The following FLT1 variants were observed in gnomAD, a reference collection of about 807,000 sequenced individuals.
The protein encoded by FLT1 is vascular endothelial growth factor receptor 1.
A neutral mutation model predicts 156.3 loss-of-function variants in FLT1; 49 were observed. The observed-to-expected ratio is 0.31, with a 90% CI of 0.25 to 0.40. The LOEUF (loss-of-function observed/expected upper bound fraction) is 0.40, where lower values mean the gene tolerates loss of function less well. Ranked by LOEUF, FLT1 falls within the 10% of genes least tolerant of loss-of-function variation. The pLI, the probability that FLT1 is intolerant of heterozygous loss-of-function variation, is 1.00. For missense variants in FLT1, 1,322 were observed against 1,637.2 expected, an observed-to-expected ratio of 0.81 and a Z score of 3.32; for synonymous variants, 594 against 583.8, an observed-to-expected ratio of 1.02 and a Z score of -0.25.
intron 10 of FLT1, among the ~76,000 whole-genome samples, chr13:28,420,267 A>AT (rs1249289576): frequency 6.6e-6 from 1 of 152,214 alleles, no homozygotes; most frequent in Non-Finnish European, 1.5e-5. Context: ...AGCCTCCTGT[A>AT]TAAGATGGCC....
At chr13:28,407,643 C>T (rs1875893891) in intron 10 of FLT1, among the ~76,000 whole-genome samples, 1 of 152,128 alleles carries the variant, frequency 6.6e-6, no homozygotes, top group Non-Finnish European at 1.5e-5. Flanking sequence ...GTCTGTCTTA[C>T]AGTTAGATTA....
chr13:28,365,917 T>C (rs932442129), intron 14 of FLT1, among the ~76,000 whole-genome samples: 21 of 152,186 alleles, frequency 1.4e-4, no homozygotes, highest in Non-Finnish European at 2.8e-4. Flanking sequence ...AACATAGATG[T>C]CTTCAGGAGC....
rs1333357178 is a variant in FLT1 at position 28,427,813 on chromosome 13, G to A, written c.1215C>T (p.Ile405=). The A allele has an allele frequency of 4.3e-6, 7 of 1,613,870 alleles. No homozygotes were observed. Among genetic ancestry groups the A allele is most frequent in the Middle Eastern group, 1.6e-4 (1 of 6,062 alleles). ...VTEEDAGNYT[I]LLSIKQSNVF... ...CATTTGACTGTTTTATGCTCAGCAA[G>A]ATTGTATAATTCCCTGCATCCTCTT... Residue 405 remains isoleucine (I), a synonymous_variant, in exon 9 of 30, where the codon ATC becomes ATT. Coordinates refer to ENST00000282397, the MANE Select transcript of FLT1 (RefSeq NM_002019.4).
rs2138801663 is a variant in FLT1, at chr13:28,303,222, C to T, written c.3962G>A (p.Cys1321Tyr). Residue 1321 changes from cysteine to tyrosine, a missense_variant, in exon 30 of 30, where the codon TGC becomes TAC. This residue lies in a region of FLT1 where 329 missense variants were observed against 366.2 expected (regional missense o/e 0.90). Coordinates refer to ENST00000282397, the MANE Select transcript of FLT1 (RefSeq NM_002019.4). Reference sequence around the variant, plus strand: ...CGAGTTGTAGTCTGGGGGCGGGGAGCAGCACGCGATTTTCCTTTCCAGCTC... The same window carrying T: ...CGAGTTGTAGTCTGGGGGCGGGGAGTAGCACGCGATTTTCCTTTCCAGCTC... ...HAELERKIAC[C>Y]SPPPDYNSVV... 1 of 1,613,476 alleles carries T rather than the reference C, an allele frequency of 6.2e-7. No individual in the cohort carries two copies. The highest frequency in any genetic ancestry group is 8.5e-7 in the Non-Finnish European group (1 of 1,179,970).
rs1334258859 is a variant in FLT1, at chr13:28,439,292, T to A, written c.389-947A>T. 6.6e-6 allele frequency among the ~76,000 whole-genome samples: 1 copy of A among 152,210 alleles called. No individual in the cohort carries two copies. The highest frequency in any genetic ancestry group is 1.5e-5 in the Non-Finnish European group (1 of 68,040). On this transcript the variant is annotated intron_variant, in intron 3 of 29. Coordinates refer to ENST00000282397, the MANE Select transcript of FLT1 (RefSeq NM_002019.4). This position sits in a 1 kb window ranked among gnomAD's most constrained non-coding sequence, Gnocchi z 4.1. ...TGATCGTCCCGCATTTGTTCCAGCC[T>A]TATATACTAAATGGAAAGAAGTCCT...
At chr13:28,391,539 T>C (rs773947229) in intron 12 of FLT1, among the ~76,000 whole-genome samples, 2 of 152,262 alleles carry the variant, frequency 1.3e-5, no homozygotes, top group African/African-American at 4.8e-5. Context: ...ACATCTTACA[T>C]ATATTGATTG....
At chr13:28,420,992 A>AC (rs1408917000) in intron 10 of FLT1, among the ~76,000 whole-genome samples, 3 of 140,660 alleles carry the variant, frequency 2.1e-5, no homozygotes, top group African/African-American at 5.3e-5. Flanking sequence ...AGGCCACCCC[A>AC]CCCCCCATCC....
At position 28,368,578 on chromosome 13, in the gene FLT1, C is replaced by T. The variant is rs183413900; in HGVS notation, c.2117-10893G>A. On this transcript the variant is annotated intron_variant, in intron 14 of 29. Transcript: ENST00000282397. ...ATGATGATGATGATAATGATGATAG[C>T]TATGATGATGATGATGATGACGATG... is the stretch of plus-strand genomic sequence containing the variant. 5.5e-5 allele frequency: 83 copies of T among 1,507,250 alleles called. No homozygotes were observed. In the East Asian group the frequency reaches 1.9e-3, roughly 34 times the overall value. 93.4% of individuals were successfully genotyped at this position (1,507,250 alleles called of 1,614,324 possible).
chr13:28,300,986 G>A lies in FLT1; in HGVS notation c.*2181C>T, dbSNP rs1296915602. ...TGGAACCATTCTTTGACTGATGGAT[G>A]GACTCATGTATGCTACAAACCTGAG... On this transcript the variant is annotated 3_prime_UTR_variant, in exon 30 of 30. Transcript: ENST00000282397. 4.3e-6 allele frequency: 1 copy of A among 232,572 alleles called. No homozygotes were observed. The highest frequency in any genetic ancestry group is 8.5e-6 in the Non-Finnish European group (1 of 117,776). The allele number at this position is 232,572 out of a possible 1,614,324, so 14.4% of individuals were successfully genotyped here. A position where few individuals can be genotyped will look rare whatever the true frequency, so the allele number is the denominator to read the frequency against.
chr13:28,311,486 C>T, intron 27 of FLT1, 104 bp downstream of exon 27: 1 of 993,980 alleles, frequency 1.0e-6, no homozygotes, highest in Non-Finnish European at 1.5e-6. Context: ...TTCTTTCTTT[C>T]TCTCTTTCTT....
intron 1 of FLT1, among the ~76,000 whole-genome samples, chr13:28,478,713 T>A (rs1880684708): frequency 6.6e-6 from 1 of 152,244 alleles, no homozygotes; most frequent in South Asian, 2.1e-4. Context: ...TTGTTCCAGT[T>A]TCTATTTTGA....
chr13:28,344,071 G>A (rs1348048268), intron 16 of FLT1, among the ~76,000 whole-genome samples: 1 of 150,796 alleles, frequency 6.6e-6, no homozygotes, highest in Admixed American at 6.9e-5. Flanking sequence ...ACATATATCT[G>A]TCACACTAGG....
intron 6 of FLT1, among the ~76,000 whole-genome samples, chr13:28,431,928 T>G (rs1163646465): frequency 6.6e-6 from 1 of 152,144 alleles, no homozygotes; most frequent in Non-Finnish European, 1.5e-5. Flanking sequence ...TTTCACTATT[T>G]GAACAGTGCT....
At chr13:28,371,574 T>C (rs1013847023) in intron 14 of FLT1, among the ~76,000 whole-genome samples, 1 of 152,182 alleles carries the variant, frequency 6.6e-6, no homozygotes, top group Non-Finnish European at 1.5e-5. Context: ...CTCAATAATG[T>C]GCTCCAAAGC....
At chr13:28,489,644 G>C (rs1881364860) in intron 1 of FLT1, among the ~76,000 whole-genome samples, 1 of 152,274 alleles carries the variant, frequency 6.6e-6, no homozygotes, top group East Asian at 1.9e-4. Context: ...AGGCAGACGA[G>C]CAGCATGAAC....
chr13:28,427,172 G>A lies in FLT1; in HGVS notation c.1423C>T (p.His475Tyr). ...GACTGTCCCTACCTTGCTTCGGAATGATTATGGTTACAGGGGTGCCAGAAC... is the reference window on the plus strand; with the variant it reads ...GACTGTCCCTACCTTGCTTCGGAATAATTATGGTTACAGGGGTGCCAGAAC... Reference protein sequence around the residue: ...KWFWHPCNHNHSEARCDFCSN... With the variant: ...KWFWHPCNHNYSEARCDFCSN... Residue 475 changes from histidine (H) to tyrosine (Y), a missense_variant, in exon 10 of 30, where the codon CAT becomes TAT. By Grantham distance (83) the His-to-Tyr change is moderately conservative (BLOSUM62 2). Transcript: ENST00000282397. 6.2e-7 allele frequency: 1 copy of A among 1,614,022 alleles called. No homozygotes were observed. Among genetic ancestry groups the A allele is most frequent in the Non-Finnish European group, 8.5e-7 (1 of 1,179,886 alleles).
At chr13:28,406,542 G>A (rs1017324085) in intron 10 of FLT1, among the ~76,000 whole-genome samples, 5 of 152,118 alleles carry the variant, frequency 3.3e-5, no homozygotes, top group African/African-American at 4.8e-5. Context: ...TTCTGGACTA[G>A]AATTTTTTTG....
Position 28,396,998 on chromosome 13 carries a change from A to G in FLT1, c.1622T>C (p.Val541Ala), listed in dbSNP as rs1219274468. The G allele has an allele frequency of 1.2e-6, 2 of 1,613,374 alleles. No individual in the cohort carries two copies. Among genetic ancestry groups the G allele is most frequent in the Admixed American group, 1.7e-5 (1 of 60,008 alleles). ...GCTTATGTTTCTTCCCACAGTCCCA[A>G]CTTTATTGGAAGCTATGCAAATGTA... ...GIYICIASNK[V>A]GTVGRNISFY... The change falls in exon 12 of 30, where the codon GTT becomes GCT. Residue 541 changes from valine (V) to alanine (A), a missense_variant. By Grantham distance (64) the Val-to-Ala change is moderately conservative. Transcript: ENST00000282397.
At chr13:28,319,204 G>C (rs2296187) in intron 24 of FLT1, among the ~76,000 whole-genome samples, 8,150 of 152,252 alleles carry the variant, frequency 0.054, 312 homozygotes, top group South Asian at 0.18. Flanking sequence ...ACATGACCTT[G>C]TTCTGACCTT....
Sources: gnomAD v4.1 joint callset for allele counts (sites outside exome capture counted in the v4.1 genomes callset) on GRCh38, gnomAD v4.1.1 for gene constraint, gnomAD v4.1.1 regional missense constraint, Gnocchi (gnomAD v3.1) non-coding constraint, MANE v1.5 for transcripts, NCBI Gene and HGNC (gene_info 2026-07-23, HGNC 2026-07-21) for gene names.